The following PTPRD variants were observed in gnomAD, a reference collection of about 807,000 sequenced individuals.
The protein encoded by PTPRD is protein tyrosine phosphatase receptor type D.
In PTPRD, 34 loss-of-function variants were observed where a neutral mutation model predicts 214.5. The ratio of observed to expected loss-of-function variants is 0.16; its 90% confidence interval spans 0.12 to 0.21. The LOEUF (loss-of-function observed/expected upper bound fraction) is 0.21. Ranked by LOEUF, PTPRD falls within the 10% of genes least tolerant of loss-of-function variation. The probability of loss-of-function intolerance (pLI) is 1.00; values close to 1 mark genes in which losing one functional copy is unlikely to be tolerated. For missense variants in PTPRD, 2,545 were observed against 2,398.7 expected (o/e 1.06, Z -1.27); for synonymous variants, 1,128 against 845.7 (o/e 1.33, Z -5.79).
intron 2 of PTPRD, among the ~76,000 whole-genome samples, chr9:10,367,129 G>C (rs1381158392): frequency 6.7e-6 from 1 of 149,526 alleles, no homozygotes; most frequent in Non-Finnish European, 1.5e-5. Context: ...CCTCTTGATA[G>C]ATACAGGTTT....
intron 7 of PTPRD, among the ~76,000 whole-genome samples, chr9:9,698,479 G>A (rs2097425353): frequency 1.3e-5 from 2 of 152,134 alleles, no homozygotes; most frequent in Non-Finnish European, 2.9e-5. Flanking sequence ...CTGGGTAGGG[G>A]TTTATTCCCA....
rs937821201 is a variant in PTPRD at position 8,460,576 on chromosome 9, G to A, written c.3715-5C>T. ...AGGGCTGGTTGCATACATCTTCTGA[G>A]GAAAAGCAGAGTCTATTTCAGTTAT... On this transcript the variant is annotated splice_polypyrimidine_tract_variant and splice_region_variant and intron_variant, in intron 32 of 45. Coordinates refer to ENST00000381196, the MANE Select transcript of PTPRD (RefSeq NM_002839.4). 1 of 1,609,782 alleles carries A rather than the reference G, an allele frequency of 6.2e-7. No individual in the cohort carries two copies. The highest frequency in any genetic ancestry group is 8.5e-7 in the Non-Finnish European group (1 of 1,178,520).
rs545153215 is a variant in PTPRD, at chr9:8,840,561, G to T, written c.-103-106615C>A. Among the ~76,000 whole-genome samples, 42 of 152,274 alleles carry T rather than the reference G, an allele frequency of 2.8e-4. 1 individual carries two copies. In the South Asian group the frequency reaches 8.7e-3, roughly 32 times the overall value. ...ATATTTTCTTTCAAATGACCCCATT[G>T]TTAATGCAAGCTATCTCTTCTTACT... On this transcript the variant is annotated intron_variant, in intron 11 of 45. Coordinates refer to ENST00000381196, the MANE Select transcript of PTPRD (RefSeq NM_002839.4).
intron 8 of PTPRD, among the ~76,000 whole-genome samples, chr9:9,468,867 A>G (rs1392427196): frequency 1.3e-5 from 2 of 152,144 alleles, no homozygotes; most frequent in African/African-American, 2.4e-5. Context: ...GTGTCTATTT[A>G]AACCTATGAT....
intron 3 of PTPRD, among the ~76,000 whole-genome samples, chr9:10,296,449 C>A (rs1009899121): frequency 6.6e-6 from 1 of 152,080 alleles, no homozygotes; most frequent in African/African-American, 2.4e-5. Context: ...TGTTTCCTTA[C>A]CCCAACCTAA....
chr9:9,624,023 T>C (rs2154354661), intron 7 of PTPRD, among the ~76,000 whole-genome samples: 1 of 152,228 alleles, frequency 6.6e-6, no homozygotes, highest in South Asian at 2.1e-4. Context: ...TATGAGCTCA[T>C]AAAAAGCACT....
rs141382912 is a variant in PTPRD, at chr9:10,189,612, C to A, written c.-545+151351G>T. Among the ~76,000 whole-genome samples the A allele has an allele frequency of 1.0e-3, 158 of 152,008 alleles. 1 individual carries two copies. The highest frequency in any genetic ancestry group is 3.7e-3 in the African/African-American group (154 of 41,466). On this transcript the variant is annotated intron_variant, in intron 3 of 45. Coordinates refer to ENST00000381196, the MANE Select transcript of PTPRD (RefSeq NM_002839.4). ...TTGTAGCATGTTTTGCAATGTTCCACAACATGCAGCAGGACAAACAGGAAT... is the reference window on the plus strand; with the variant it reads ...TTGTAGCATGTTTTGCAATGTTCCAAAACATGCAGCAGGACAAACAGGAAT...
Position 10,045,020 on chromosome 9 carries a change from T to C in PTPRD, c.-544-11230A>G, listed in dbSNP as rs569088796. On this transcript the variant is annotated intron_variant, in intron 3 of 45. Coordinates refer to ENST00000381196, the MANE Select transcript of PTPRD (RefSeq NM_002839.4). The stretch of plus-strand genomic sequence containing the variant: ...ACTCTCTATGCTGTTCCAGATGGTA[T>C]GCATAGTCAATGCAGAAATTGCTCA... Among the ~76,000 whole-genome samples, 22 of 151,818 alleles carry C rather than the reference T, an allele frequency of 1.4e-4. No homozygotes were observed. The East Asian group carries it at 4.3e-3, about 29-fold the overall frequency.
At chr9:8,608,259 C>T (rs2095312339) in intron 14 of PTPRD, among the ~76,000 whole-genome samples, 1 of 151,984 alleles carries the variant, frequency 6.6e-6, no homozygotes, top group South Asian at 2.1e-4. Context: ...AATTTCATGA[C>T]TTGGATGATC....
intron 2 of PTPRD, among the ~76,000 whole-genome samples, chr9:10,587,901 C>A (rs1040994567): frequency 1.3e-5 from 2 of 151,850 alleles, no homozygotes; most frequent in African/African-American, 4.8e-5. Flanking sequence ...AGGACATAGG[C>A]CCCAAAATGG....
chr9:9,330,048 G>T (rs558676651), intron 9 of PTPRD, among the ~76,000 whole-genome samples: 98 of 152,210 alleles, frequency 6.4e-4, no homozygotes, highest in South Asian at 1.5e-3. Flanking sequence ...TAGGATGGCG[G>T]ATTGGGTTTA....
At chr9:9,015,843 G>A (rs779497494) in intron 11 of PTPRD, among the ~76,000 whole-genome samples, 17 of 152,090 alleles carry the variant, frequency 1.1e-4, no homozygotes, top group African/African-American at 2.9e-4. Context: ...GCAAGTATAC[G>A]TAGATCAACC....
At chr9:10,089,928 G>A (rs1176626116) in intron 3 of PTPRD, among the ~76,000 whole-genome samples, 2 of 151,554 alleles carry the variant, frequency 1.3e-5, no homozygotes, top group African/African-American at 2.4e-5. Context: ...TCCTGGGAAA[G>A]CATTTAGAAT....
At chr9:8,745,177 G>A (rs562375370) in intron 11 of PTPRD, among the ~76,000 whole-genome samples, 38 of 152,148 alleles carry the variant, frequency 2.5e-4, no homozygotes, top group Non-Finnish European at 4.7e-4. Flanking sequence ...TCATTTAACA[G>A]ACAATGCATG....
At chr9:10,017,591 A>G (rs1273686973) in intron 4 of PTPRD, among the ~76,000 whole-genome samples, 1 of 152,088 alleles carries the variant, frequency 6.6e-6, no homozygotes, top group Non-Finnish European at 1.5e-5. Context: ...TAGTTCATTT[A>G]GACTGAATGG....
At chr9:10,103,453 A>G (rs1221769234) in intron 3 of PTPRD, among the ~76,000 whole-genome samples, 2 of 148,108 alleles carry the variant, frequency 1.4e-5, no homozygotes, top group Non-Finnish European at 3.0e-5. Flanking sequence ...ACATTCCACT[A>G]TGGTTTAATT....
chr9:9,655,761 T>C (rs1224084674), intron 7 of PTPRD, among the ~76,000 whole-genome samples: 1 of 151,804 alleles, frequency 6.6e-6, no homozygotes, highest in Non-Finnish European at 1.5e-5. Context: ...GCAGATCACC[T>C]GAGGTCAGGA....
At chr9:8,662,522 C>G (rs1005037608) in intron 12 of PTPRD, among the ~76,000 whole-genome samples, 2 of 152,116 alleles carry the variant, frequency 1.3e-5, no homozygotes, top group African/African-American at 4.8e-5. Flanking sequence ...GTAGACAACT[C>G]TTCAGGGCTC....
chr9:10,536,747 G>A (rs1336517479), intron 2 of PTPRD, among the ~76,000 whole-genome samples: 1 of 152,072 alleles, frequency 6.6e-6, no homozygotes, highest in African/African-American at 2.4e-5. Context: ...AAAAACATAA[G>A]TGAAAAGTCA....
Sources: gnomAD v4.1 joint callset for allele counts (sites outside exome capture counted in the v4.1 genomes callset) on GRCh38, gnomAD v4.1.1 for gene constraint, MANE v1.5 for transcripts, NCBI Gene and HGNC (gene_info 2026-07-23, HGNC 2026-07-21) for gene names.